The following STXBP5L variants were observed in gnomAD, a reference collection of about 807,000 sequenced individuals.
STXBP5L encodes syntaxin binding protein 5L.
A neutral mutation model predicts 144.5 loss-of-function variants in STXBP5L; 65 were observed. The ratio of observed to expected loss-of-function variants is 0.45; its 90% CI spans 0.37 to 0.55. The LOEUF is 0.55. STXBP5L is among the 20% of genes least tolerant of loss of function. The pLI is 0.00. For missense variants in STXBP5L, 1,298 were observed against 1,405.5 expected (o/e 0.92, Z 1.22); for synonymous variants, 505 against 469.6 (o/e 1.08, Z -0.97).
rs547875230 is a variant in STXBP5L at position 121,193,078 on chromosome 3, C to G, written c.878-12845C>G. 2.4e-4 allele frequency among the ~76,000 whole-genome samples: 34 copies of G among 142,476 alleles called. 3 individuals carry two copies. Among genetic ancestry groups the G allele is most frequent in the African/African-American group, 8.5e-4 (33 of 38,668 alleles). The allele number at this position is 142,476 out of a possible 152,430, so 93.5% of individuals were successfully genotyped here. A position where few individuals can be genotyped will look rare whatever the true frequency, so the allele number is the denominator to read the frequency against. On this transcript the variant is annotated intron_variant, in intron 9 of 26. Transcript: ENST00000471454. ...AAATTTTTACAATCTACCTATCTGA[C>G]AAAGGGCTAATATCCAGAATCTACA...
At chr3:120,977,079 A>G (rs940097938) in intron 3 of STXBP5L, among the ~76,000 whole-genome samples, 2 of 152,152 alleles carry the variant, frequency 1.3e-5, no homozygotes, top group African/African-American at 4.8e-5. Flanking sequence ...TGCAGAGCTG[A>G]GTTCAATTCC....
At chr3:121,057,067 G>A (rs1028129094) in intron 5 of STXBP5L, among the ~76,000 whole-genome samples, 1 of 151,280 alleles carries the variant, frequency 6.6e-6, no homozygotes, top group African/African-American at 2.4e-5. Context: ...AAAGAAGGAA[G>A]AAAGCAAGAC....
In STXBP5L at chr3:121,282,206, G is replaced by T. The variant is rs2051082957; in HGVS notation, c.2110+2250G>T. 4 of 1,535,898 alleles carry T rather than the reference G, an allele frequency of 2.6e-6. No individual in the cohort carries two copies. The South Asian group carries it at 4.6e-5, about 18-fold the overall frequency. ...TATGATATCACTTCCTTTCACTTTA[G>T]ACTTTTTTTTCTCTTTCTTCTGCCT... On this transcript the variant is annotated intron_variant, in intron 19 of 26. Coordinates refer to ENST00000471454, the MANE Select transcript of STXBP5L (RefSeq NM_001308330.2).
chr3:121,255,524 C>T (rs1470078728), intron 16 of STXBP5L, among the ~76,000 whole-genome samples: 2 of 151,756 alleles, frequency 1.3e-5, no homozygotes, highest in Admixed American at 1.3e-4. Flanking sequence ...TCTATATATA[C>T]TAATAAAATG....
chr3:121,102,704 A>G (rs1354687224), intron 5 of STXBP5L, among the ~76,000 whole-genome samples: 2 of 152,160 alleles, frequency 1.3e-5, no homozygotes, highest in African/African-American at 4.8e-5. Context: ...GACAAGTGGG[A>G]CCTAATTAAA....
At chr3:121,348,509 T>A (rs1235714700) in intron 20 of STXBP5L, among the ~76,000 whole-genome samples, 1 of 152,142 alleles carries the variant, frequency 6.6e-6, no homozygotes, top group Non-Finnish European at 1.5e-5. Context: ...TTTCTATTTA[T>A]TGGAATAGTT....
intron 2 of STXBP5L, among the ~76,000 whole-genome samples, chr3:120,924,180 C>T (rs74351536): frequency 0.013 from 1,923 of 152,204 alleles, 17 homozygotes; most frequent in Non-Finnish European, 0.02. Context: ...AAAAATTCTA[C>T]CCTTCATTTC....
chr3:121,092,873 G>A (rs1576926446), intron 5 of STXBP5L, among the ~76,000 whole-genome samples: 2 of 152,314 alleles, frequency 1.3e-5, no homozygotes, highest in Admixed American at 6.5e-5. Flanking sequence ...AATGCTTCCA[G>A]TATTTGCCCA....
intron 3 of STXBP5L, among the ~76,000 whole-genome samples, chr3:120,977,450 G>A (rs1013822191): frequency 3.3e-5 from 5 of 152,154 alleles, no homozygotes; most frequent in Non-Finnish European, 7.3e-5. Flanking sequence ...CTGCACGTGA[G>A]ATGGGTTTCC....
intron 5 of STXBP5L, among the ~76,000 whole-genome samples, chr3:121,074,274 A>T (rs2041929803): frequency 1.3e-5 from 2 of 152,218 alleles, no homozygotes; most frequent in Non-Finnish European, 2.9e-5. Context: ...AGCAGCATCC[A>T]CAGGAATTCA....
At chr3:121,064,184 C>T (rs906747454) in intron 5 of STXBP5L, among the ~76,000 whole-genome samples, 5 of 152,120 alleles carry the variant, frequency 3.3e-5, no homozygotes, top group South Asian at 4.1e-4. Flanking sequence ...GTATCTGAGC[C>T]GGAATGCACA....
At chr3:121,305,306 CTGTT>C (rs921794337) in intron 19 of STXBP5L, among the ~76,000 whole-genome samples, 1 of 152,160 alleles carries the variant, frequency 6.6e-6, no homozygotes, top group East Asian at 1.9e-4. Context: ...ATCTTTCCAA[CTGTT>C]TGTCTGAAAC....
intron 5 of STXBP5L, among the ~76,000 whole-genome samples, chr3:121,106,900 C>G (rs2043739425): frequency 1.3e-5 from 2 of 152,178 alleles, no homozygotes; most frequent in African/African-American, 4.8e-5. Context: ...GCCTCGCCAG[C>G]ATCTGTTGTT....
At chr3:120,993,602 G>T (rs1418219412) in intron 3 of STXBP5L, among the ~76,000 whole-genome samples, 2 of 151,998 alleles carry the variant, frequency 1.3e-5, no homozygotes, top group Non-Finnish European at 2.9e-5. Flanking sequence ...CACCAAATGA[G>T]TTGGTTGTAA....
intron 24 of STXBP5L, 86 bp downstream of exon 24, chr3:121,413,409 G>A: frequency 7.9e-7 from 1 of 1,258,912 alleles, no homozygotes; most frequent in Non-Finnish European, 1.1e-6. Flanking sequence ...ATATTATTAG[G>A]TCAGACAATA....
intron 8 of STXBP5L, 118 bp downstream of exon 8, chr3:121,152,678 C>T (rs1242278918): frequency 1.3e-5 from 8 of 613,536 alleles, no homozygotes; most frequent in Non-Finnish European, 8.1e-6. Flanking sequence ...GATTCTGACC[C>T]AGTGCTTCAC....
At chr3:121,383,692 G>C (rs1356655082) in intron 22 of STXBP5L, among the ~76,000 whole-genome samples, 2 of 152,088 alleles carry the variant, frequency 1.3e-5, no homozygotes, top group Non-Finnish European at 2.9e-5. Flanking sequence ...GGAGGGAAAA[G>C]ATAAGGGTGA....
intron 5 of STXBP5L, among the ~76,000 whole-genome samples, chr3:121,080,615 C>T (rs899862280): frequency 2.6e-5 from 4 of 152,110 alleles, no homozygotes; most frequent in African/African-American, 9.7e-5. Flanking sequence ...TCCTGGCTGA[C>T]AATTATTTTG....
At chr3:121,352,208 C>T in intron 20 of STXBP5L, among the ~76,000 whole-genome samples, 1 of 151,942 alleles carries the variant, frequency 6.6e-6, no homozygotes, top group Non-Finnish European at 1.5e-5. Flanking sequence ...TATTTTTTTC[C>T]AATTCTGTGA....
Sources: allele counts gnomAD v4.1 joint callset (sites outside exome capture counted in the v4.1 genomes callset), GRCh38; gene constraint gnomAD v4.1.1; transcripts MANE v1.5; gene names NCBI Gene and HGNC (gene_info 2026-07-23, HGNC 2026-07-21).